Variants in SAMD5 observed in about 807,000 individuals in gnomAD.
SAMD5 encodes the protein sterile alpha motif domain-containing protein 5.
A neutral mutation model predicts 11.3 loss-of-function variants in SAMD5; 13 were observed. The ratio of observed to expected loss-of-function variants is 1.15; its 90% CI spans 0.75 to 1.83. The LOEUF is 1.83. Among genes scored for constraint, SAMD5 ranks in the 40% most tolerant of loss-of-function variants. The pLI is 0.00. For missense variants in SAMD5, 255 were observed against 239.1 expected, an observed-to-expected ratio of 1.07 and a Z score of -0.44; for synonymous variants, 129 against 111.3, an observed-to-expected ratio of 1.16 and a Z score of -1.00.
the SAMD5 span, among the ~76,000 whole-genome samples, chr6:147,880,764 G>C: frequency 6.6e-6 from 1 of 152,054 alleles, no homozygotes; most frequent in East Asian, 1.9e-4. Context: ...ACATCATACA[G>C]ACTGTCCGTC....
intron 1 of SAMD5, among the ~76,000 whole-genome samples, chr6:147,576,184 A>G (rs1307693143): frequency 1.3e-5 from 2 of 150,810 alleles, no homozygotes; most frequent in Non-Finnish European, 2.9e-5. Flanking sequence ...CCTGTTGCAC[A>G]GGCTGGAGTG....
At chr6:147,741,253 G>A (rs370029436), downstream of SAMD5, among the ~76,000 whole-genome samples, 7 of 152,152 alleles carry the variant, frequency 4.6e-5, no homozygotes, top group African/African-American at 1.4e-4. Context: ...CTTTGCTGGG[G>A]GTCTCCAGAC....
At chr6:147,798,700 T>C in the SAMD5 span, among the ~76,000 whole-genome samples, 2 of 152,002 alleles carry the variant, frequency 1.3e-5, no homozygotes, top group Admixed American at 6.6e-5. Flanking sequence ...TGTGTGGGAG[T>C]CTAAGTCTAT....
At chr6:147,677,005 G>A (rs2128456006) in intron 1 of SAMD5, among the ~76,000 whole-genome samples, 1 of 152,006 alleles carries the variant, frequency 6.6e-6, no homozygotes, top group Non-Finnish European at 1.5e-5. Flanking sequence ...ATCAAAGGAG[G>A]ATTTTCTTTC....
chr6:147,731,785 A>C (rs552648395), intron 1 of SAMD5, among the ~76,000 whole-genome samples: 1 of 150,306 alleles, frequency 6.7e-6, no homozygotes, highest in African/African-American at 2.5e-5. Context: ...AGCAACCAAC[A>C]GAATTTAGAG....
At chr6:147,774,242 AG>A in the SAMD5 span, among the ~76,000 whole-genome samples, 1 of 152,142 alleles carries the variant, frequency 6.6e-6, no homozygotes, top group Non-Finnish European at 1.5e-5. Context: ...GTGGCCTGGT[AG>A]GGTTAGGATT....
In SAMD5 at chr6:147,569,695, T is replaced by C. The variant is rs1029417070; in HGVS notation, c.*5239T>C. On this transcript the variant is annotated 3_prime_UTR_variant, in exon 2 of 2. Coordinates refer to ENST00000367474, the MANE Select transcript of SAMD5 (RefSeq NM_001030060.3). ...CAAGCTTGTCAATGTTTAGAGATAC[T>C]ATTCGGGTTGCTAAAGCCATTATTC... 1 of 985,254 alleles carries C rather than the reference T, an allele frequency of 1.0e-6. No individual in the cohort carries two copies. The highest frequency in any genetic ancestry group is 1.7e-5 in the African/African-American group (1 of 57,356). The allele number at this position is 985,254 out of a possible 1,614,324, so 61.0% of individuals were successfully genotyped here.
chr6:147,875,108 AAT>A, the SAMD5 span, among the ~76,000 whole-genome samples: 8 of 152,316 alleles, frequency 5.3e-5, no homozygotes, highest in East Asian at 1.5e-3. Flanking sequence ...AAATAATAAT[AAT>A]AGTCACTTTA....
At chr6:147,914,324 G>C in the SAMD5 span, among the ~76,000 whole-genome samples, 4 of 151,998 alleles carry the variant, frequency 2.6e-5, no homozygotes, top group Non-Finnish European at 4.4e-5. Context: ...GATGCTAAAA[G>C]AAAACAGACA....
the SAMD5 span, among the ~76,000 whole-genome samples, chr6:147,758,156 A>T: frequency 1.3e-5 from 2 of 152,192 alleles, no homozygotes; most frequent in African/African-American, 2.4e-5. Flanking sequence ...CTTAGGAAAA[A>T]ATACCCCACT....
the SAMD5 span, among the ~76,000 whole-genome samples, chr6:147,754,304 T>A: frequency 2.0e-5 from 3 of 151,966 alleles, no homozygotes; most frequent in East Asian, 5.8e-4. Context: ...TGATGACTAA[T>A]GATGTTGATC....
intron 1 of SAMD5, among the ~76,000 whole-genome samples, chr6:147,610,553 A>G (rs1789768248): frequency 1.3e-5 from 2 of 152,230 alleles, no homozygotes; most frequent in South Asian, 4.1e-4. Flanking sequence ...TTCCTAAAGT[A>G]AGGCACTTTT....
chr6:147,742,606 A>G, the SAMD5 span, among the ~76,000 whole-genome samples: 1 of 152,198 alleles, frequency 6.6e-6, no homozygotes, highest in African/African-American at 2.4e-5. Context: ...AGCATTAGGT[A>G]GACTCTGAAG....
At chr6:147,859,039 T>C in the SAMD5 span, among the ~76,000 whole-genome samples, 11 of 152,182 alleles carry the variant, frequency 7.2e-5, no homozygotes, top group Non-Finnish European at 1.5e-4. Context: ...GTTTCTGTTT[T>C]TCACTAGGGG....
the SAMD5 span, among the ~76,000 whole-genome samples, chr6:147,828,554 G>A: frequency 6.6e-6 from 1 of 152,134 alleles, no homozygotes; most frequent in Non-Finnish European, 1.5e-5. Context: ...ACACTAGACT[G>A]GTTTAACCTC....
the SAMD5 span, among the ~76,000 whole-genome samples, chr6:147,842,850 T>C: frequency 6.6e-6 from 1 of 152,214 alleles, no homozygotes; most frequent in Non-Finnish European, 1.5e-5. Flanking sequence ...TTAGATGTTA[T>C]TTAACATGTC....
chr6:147,852,689 A>T, the SAMD5 span, among the ~76,000 whole-genome samples: 13 of 152,316 alleles, frequency 8.5e-5, no homozygotes, highest in South Asian at 2.7e-3. Flanking sequence ...CAGTGATTTT[A>T]TCAGTATGCT....
the SAMD5 span, among the ~76,000 whole-genome samples, chr6:147,930,856 T>C: frequency 1.3e-5 from 2 of 152,212 alleles, no homozygotes; most frequent in African/African-American, 4.8e-5. Flanking sequence ...TTCCACCTGC[T>C]TTGTTCTAGC....
At chr6:147,941,155 A>G in the SAMD5 span, among the ~76,000 whole-genome samples, 569 of 152,116 alleles carry the variant, frequency 3.7e-3, 1 homozygote, top group Non-Finnish European at 4.8e-3. Flanking sequence ...TGTGTTGTCT[A>G]TTTTCAATAC....
Sources: allele counts gnomAD v4.1 joint callset (sites outside exome capture counted in the v4.1 genomes callset), GRCh38; gene constraint gnomAD v4.1.1; transcripts MANE v1.5; gene names NCBI Gene and HGNC (gene_info 2026-07-23, HGNC 2026-07-21).